The following AGAP1 variants were observed in gnomAD, a reference collection of about 807,000 sequenced individuals.
The protein encoded by AGAP1 is arf-GAP with GTPase, ANK repeat and PH domain-containing protein 1.
Under a neutral mutation model 105.3 loss-of-function variants are expected in AGAP1, and 29 were observed. That is an observed-to-expected ratio of 0.28 (90% confidence interval 0.21 to 0.38). The LOEUF (loss-of-function observed/expected upper bound fraction) is 0.38, where lower values mean the gene tolerates loss of function less well. Among genes scored for constraint, AGAP1 ranks in the 10% least tolerant of loss-of-function variants. AGAP1 has a pLI of 1.00. For missense variants in AGAP1, 998 were observed against 1,165.1 expected, an observed-to-expected ratio of 0.86 and a Z score of 2.09; for synonymous variants, 509 against 485.9, an observed-to-expected ratio of 1.05 and a Z score of -0.63.
In AGAP1 at chr2:235,623,862, T is replaced by G. The variant is rs901566548; in HGVS notation, c.164-85317T>G. ...AAAGGTCAGAATTAATAAGGTGTAGTGCCCAAGAGGAATATTTTGTTTCCA... is the reference window on the plus strand; with the variant it reads ...AAAGGTCAGAATTAATAAGGTGTAGGGCCCAAGAGGAATATTTTGTTTCCA... On this transcript the variant is annotated intron_variant, in intron 1 of 17. Transcript: ENST00000304032. The surrounding 1 kb of genome is among the most constrained non-coding windows in gnomAD (Gnocchi z 4.5). Among the ~76,000 whole-genome samples the G allele has an allele frequency of 1.3e-5, 2 of 152,214 alleles. No individual in the cohort carries two copies. Among genetic ancestry groups the G allele is most frequent in the African/African-American group, 4.8e-5 (2 of 41,462 alleles).
intron 1 of AGAP1, among the ~76,000 whole-genome samples, chr2:235,595,928 G>A (rs963242836): frequency 2.6e-5 from 4 of 152,214 alleles, no homozygotes; most frequent in African/African-American, 9.6e-5. Flanking sequence ...GAAGCACAAG[G>A]TCAAAGTGTT....
chr2:235,647,341 A>C (rs991798273), intron 1 of AGAP1, among the ~76,000 whole-genome samples: 5 of 152,124 alleles, frequency 3.3e-5, no homozygotes, highest in African/African-American at 1.2e-4. Context: ...GATCAGATTG[A>C]AGCCTTCGAA....
intron 16 of AGAP1, among the ~76,000 whole-genome samples, chr2:236,075,972 C>T (rs2058626987): frequency 6.6e-6 from 1 of 152,292 alleles, no homozygotes; most frequent in African/African-American, 2.4e-5. Context: ...GCCGGGGCAG[C>T]GTGGGTCACC....
intron 1 of AGAP1, among the ~76,000 whole-genome samples, chr2:235,619,228 C>T (rs908931567): frequency 2.4e-4 from 37 of 152,208 alleles, no homozygotes; most frequent in African/African-American, 7.2e-4. Flanking sequence ...AGGGAACTCA[C>T]GCAGTAAGGA....
Position 235,502,700 on chromosome 2 carries a change from CTTTT to C in AGAP1, c.163+7869_163+7872del, listed in dbSNP as rs5839594. 9.9e-5 allele frequency among the ~76,000 whole-genome samples: 11 copies of C among 110,976 alleles called. No individual in the cohort carries two copies. The South Asian group carries it at 2.5e-3, about 25-fold the overall frequency. 72.8% of individuals were successfully genotyped at this position (110,976 alleles called of 152,430 possible). A position where few individuals can be genotyped will look rare whatever the true frequency, so the allele number is the denominator to read the frequency against. The stretch of plus-strand genomic sequence containing the variant: ...TCATGGTTAGAAGCTTTTTATTTGC[CTTTT>C]TTTTTTTTTTTTTTTTTAAGGGTGG... On this transcript the variant is annotated intron_variant, in intron 1 of 17. Coordinates refer to ENST00000304032, the MANE Select transcript of AGAP1 (RefSeq NM_001037131.3).
Position 235,744,772 on chromosome 2 carries a change from C to T in AGAP1, c.471C>T (p.His157=), listed in dbSNP as rs1204348317. 6.2e-7 allele frequency: 1 copy of T among 1,613,894 alleles called. No individual in the cohort carries two copies. Among genetic ancestry groups the T allele is most frequent in the Non-Finnish European group, 8.5e-7 (1 of 1,180,020 alleles). ...AAATAAGTTTCCAGACCGTTTACCA[C>T]TACTACAGTCGAATGGCCAACTATC... ...EDEISFQTVY[H]YYSRMANYRN... is the part of the protein sequence containing the mutation. Residue 157 remains histidine, a synonymous_variant, in exon 5 of 18, where the codon CAC becomes CAT. Transcript: ENST00000304032. The surrounding 1 kb of genome is among the most constrained non-coding windows in gnomAD (Gnocchi z 5.2).
rs2058835967 is a variant in AGAP1, at chr2:236,083,267, AGT to A, written c.2114+33992_2114+33993del. ...GCTTCGGTCTCAGGTTTTTCAGGTC[AGT>A]GTGTGCCTAATAATGCAGATGTCAT... On this transcript the variant is annotated intron_variant, in intron 16 of 17. Transcript: ENST00000304032. The surrounding 1 kb of genome is among the most constrained non-coding windows in gnomAD (Gnocchi z 5.3). Among the ~76,000 whole-genome samples the A allele has an allele frequency of 6.6e-6, 1 of 152,198 alleles. No individual in the cohort carries two copies. Among genetic ancestry groups the A allele is most frequent in the Non-Finnish European group, 1.5e-5 (1 of 68,044 alleles).
intron 1 of AGAP1, chr2:235,524,516 C>T (rs1481314682): frequency 2.9e-6 from 1 of 349,390 alleles, no homozygotes; most frequent in Admixed American, 3.5e-5. Flanking sequence ...AGACAGGCCA[C>T]GGGGCTGCAC....
At chr2:235,895,704 T>TGGATGGAC (rs1372524319) in intron 10 of AGAP1, among the ~76,000 whole-genome samples, 1 of 120,050 alleles carries the variant, frequency 8.3e-6, no homozygotes, top group Non-Finnish European at 1.7e-5. Context: ...GCTTGTTGGA[T>TGGATGGAC]GGATGGATGG....
Position 235,494,190 on chromosome 2 carries a change from G to C in AGAP1, c.-497G>C, listed in dbSNP as rs1198023916. ...TCGCGCGGGGGCCCCGGCGCGCCGG[G>C]CGGCGCAGTACGCAGCGCGCGGACC... On this transcript the variant is annotated 5_prime_UTR_variant, in exon 1 of 18. Transcript: ENST00000304032. 1 of 145,168 alleles carries C rather than the reference G, an allele frequency of 6.9e-6. No homozygotes were observed. Among genetic ancestry groups the C allele is most frequent in the Non-Finnish European group, 1.5e-5 (1 of 65,278 alleles). 9.0% of individuals were successfully genotyped at this position (145,168 alleles called of 1,614,324 possible).
Position 235,623,117 on chromosome 2 carries a change from T to C in AGAP1, c.164-86062T>C, listed in dbSNP as rs1027729435. On this transcript the variant is annotated intron_variant, in intron 1 of 17. Transcript: ENST00000304032. The surrounding 1 kb of genome is among the most constrained non-coding windows in gnomAD (Gnocchi z 4.5). The stretch of plus-strand genomic sequence containing the variant: ...TCATTTTCCAGTGGATTGCCTGATG[T>C]TCTCCAGGCTGCTACAGCTATGATA... 7.2e-5 allele frequency among the ~76,000 whole-genome samples: 11 copies of C among 152,232 alleles called. No homozygotes were observed. The highest frequency in any genetic ancestry group is 6.5e-5 in the Admixed American group (1 of 15,288).
chr2:235,561,052 T>G (rs1328340476), intron 1 of AGAP1, among the ~76,000 whole-genome samples: 1 of 152,146 alleles, frequency 6.6e-6, no homozygotes, highest in East Asian at 1.9e-4. Flanking sequence ...GCTGCCTGGT[T>G]GTTTGGGCCA....
intron 9 of AGAP1, among the ~76,000 whole-genome samples, chr2:235,832,820 C>T (rs1959590893): frequency 6.6e-6 from 1 of 152,194 alleles, no homozygotes; most frequent in African/African-American, 2.4e-5. Flanking sequence ...GCAGCTGGCA[C>T]CCAGATCCCA....
rs1387338068 is a variant in AGAP1 at position 235,981,981 on chromosome 2, A to G, written c.1645+13358A>G. 6.6e-6 allele frequency among the ~76,000 whole-genome samples: 1 copy of G among 152,238 alleles called. No individual in the cohort carries two copies. Among genetic ancestry groups the G allele is most frequent in the African/African-American group, 2.4e-5 (1 of 41,464 alleles). On this transcript the variant is annotated intron_variant, in intron 13 of 17. Transcript: ENST00000304032. This position sits in a 1 kb window ranked among gnomAD's most constrained non-coding sequence, Gnocchi z 5.5. ...AAAATAAGGGGTTTTATTATGGGTT[A>G]TCTGAAGAGTGTTTCTTAATTTTAA...
chr2:235,942,205 G>A (rs909363746), intron 12 of AGAP1, among the ~76,000 whole-genome samples: 8 of 152,254 alleles, frequency 5.3e-5, no homozygotes, highest in East Asian at 1.9e-4. Context: ...TGCGTTAATC[G>A]AGAGCAGAGT....
chr2:235,957,699 C>T lies in AGAP1; in HGVS notation c.1484-10763C>T, dbSNP rs1028723840. 7.2e-5 allele frequency among the ~76,000 whole-genome samples: 11 copies of T among 152,190 alleles called. No individual in the cohort carries two copies. The highest frequency in any genetic ancestry group is 4.8e-5 in the African/African-American group (2 of 41,512). On this transcript the variant is annotated intron_variant, in intron 12 of 17. Coordinates refer to ENST00000304032, the MANE Select transcript of AGAP1 (RefSeq NM_001037131.3). This position sits in a 1 kb window ranked among gnomAD's most constrained non-coding sequence, Gnocchi z 4.6. The stretch of plus-strand genomic sequence containing the variant: ...CAAAGGTGGCCTGTTCTTTATTTAC[C>T]GGCCTACACATCTCTGTAAGCTTCA...
chr2:235,614,590 T>G lies in AGAP1; in HGVS notation c.164-94589T>G, dbSNP rs1946246129. Among the ~76,000 whole-genome samples, 1 of 152,208 alleles carries G rather than the reference T, an allele frequency of 6.6e-6. No homozygotes were observed. Among genetic ancestry groups the G allele is most frequent in the Non-Finnish European group, 1.5e-5 (1 of 68,044 alleles). On this transcript the variant is annotated intron_variant, in intron 1 of 17. Coordinates refer to ENST00000304032, the MANE Select transcript of AGAP1 (RefSeq NM_001037131.3). The surrounding 1 kb of genome is among the most constrained non-coding windows in gnomAD (Gnocchi z 4.7). ...GTGTAAAATCTGTTAGCAGTTTCAC[T>G]TCCATCTGGAGCACCCAGGCCTGCA...
At chr2:235,738,422 G>A (rs1952377620) in intron 3 of AGAP1, among the ~76,000 whole-genome samples, 1 of 152,150 alleles carries the variant, frequency 6.6e-6, no homozygotes, top group African/African-American at 2.4e-5. Context: ...ACTCAGCCAG[G>A]GAGGGCTCGG....
intron 10 of AGAP1, among the ~76,000 whole-genome samples, chr2:235,895,740 TG>T (rs2050774467): frequency 2.9e-5 from 2 of 69,390 alleles, no homozygotes; most frequent in Admixed American, 1.3e-4. Flanking sequence ...GATGGATGGA[TG>T]GATGGATGAA....
Sources: allele counts gnomAD v4.1 joint callset (sites outside exome capture counted in the v4.1 genomes callset), GRCh38; gene constraint gnomAD v4.1.1; non-coding constraint Gnocchi (gnomAD v3.1); transcripts MANE v1.5; gene names NCBI Gene and HGNC (gene_info 2026-07-23, HGNC 2026-07-21).